NDST3: variants seen among roughly 807,000 people sequenced by gnomAD.
NDST3 encodes bifunctional heparan sulfate N-deacetylase/N-sulfotransferase 3.
A neutral mutation model predicts 96.1 loss-of-function variants in NDST3; 58 were observed. The ratio of observed to expected loss-of-function variants is 0.60; its 90% CI spans 0.49 to 0.75. The LOEUF is 0.75. NDST3 is among the 30% of genes least tolerant of loss of function. The pLI, the probability that NDST3 is intolerant of heterozygous loss-of-function variation, is 0.00. For missense variants in NDST3, 788 were observed against 1,034.2 expected (o/e 0.76, Z 3.27); for synonymous variants, 333 against 359.7 (o/e 0.93, Z 0.84).
intron 5 of NDST3, among the ~76,000 whole-genome samples, chr4:118,141,345 AC>A (rs1323575495): frequency 1.3e-5 from 2 of 152,120 alleles, no homozygotes; most frequent in Non-Finnish European, 2.9e-5. Context: ...ATTCGGTGCC[AC>A]TGCATTTATG....
rs1407590824 is a variant in NDST3 at position 118,208,444 on chromosome 4, T to C, written c.1540-16047T>C. Among the ~76,000 whole-genome samples, 2 of 144,322 alleles carry C rather than the reference T, an allele frequency of 1.4e-5. 1 individual carries two copies. Among genetic ancestry groups the C allele is most frequent in the Non-Finnish European group, 3.1e-5 (2 of 65,118 alleles). 94.7% of individuals were successfully genotyped at this position (144,322 alleles called of 152,430 possible). A position where few individuals can be genotyped will look rare whatever the true frequency, so the allele number is the denominator to read the frequency against. On this transcript the variant is annotated intron_variant, in intron 6 of 13. Coordinates refer to ENST00000296499, the MANE Select transcript of NDST3 (RefSeq NM_004784.3). ...TGCTTTTAATTAAGTCTTTATACAG[T>C]ACCTTAGCTGACTCTTGTATCTGGG... is the stretch of plus-strand genomic sequence containing the variant.
At chr4:118,057,256 A>C (rs1373228085) in intron 2 of NDST3, among the ~76,000 whole-genome samples, 1 of 152,042 alleles carries the variant, frequency 6.6e-6, no homozygotes, top group African/African-American at 2.4e-5. Context: ...TGATGATGTG[A>C]ACAACAGTAA....
At chr4:118,048,596 A>G (rs913399895) in intron 1 of NDST3, among the ~76,000 whole-genome samples, 7 of 152,216 alleles carry the variant, frequency 4.6e-5, no homozygotes, top group African/African-American at 1.4e-4. Flanking sequence ...TAGATAAAAC[A>G]AACTTCAAAC....
intron 2 of NDST3, among the ~76,000 whole-genome samples, chr4:118,059,824 C>A (rs1314318183): frequency 6.6e-6 from 1 of 152,108 alleles, no homozygotes; most frequent in African/African-American, 2.4e-5. Context: ...ATGTCAAGAT[C>A]TGTACATTGT....
chr4:118,056,751 C>T (rs747295860), intron 2 of NDST3, among the ~76,000 whole-genome samples: 20 of 151,992 alleles, frequency 1.3e-4, no homozygotes, highest in Non-Finnish European at 2.5e-4. Flanking sequence ...AGCATCTATC[C>T]GTTCAGTTCT....
intron 2 of NDST3, among the ~76,000 whole-genome samples, chr4:118,056,498 T>A (rs527291202): frequency 1.1e-4 from 17 of 152,148 alleles, no homozygotes; most frequent in African/African-American, 4.1e-4. Flanking sequence ...GTGTTTTGAA[T>A]AATCTGGGTT....
intron 5 of NDST3, among the ~76,000 whole-genome samples, chr4:118,142,321 A>G (rs1733629677): frequency 6.6e-6 from 1 of 151,970 alleles, no homozygotes; most frequent in Non-Finnish European, 1.5e-5. Flanking sequence ...ATTTATGCAG[A>G]TATACTGATT....
At chr4:118,193,816 G>T (rs1578795048) in intron 6 of NDST3, 6 of 1,466,606 alleles carry the variant, frequency 4.1e-6, no homozygotes, top group Non-Finnish European at 5.6e-6. Flanking sequence ...CCAGGTTGAG[G>T]TAAGAGGCCA....
intron 4 of NDST3, among the ~76,000 whole-genome samples, chr4:118,135,806 A>G (rs1303217693): frequency 1.3e-5 from 2 of 152,192 alleles, no homozygotes; most frequent in African/African-American, 2.4e-5. Flanking sequence ...TGAGCCCAGG[A>G]GGTCGAGGAT....
At chr4:118,136,954 C>A (rs556385383) in intron 4 of NDST3, among the ~76,000 whole-genome samples, 1 of 152,132 alleles carries the variant, frequency 6.6e-6, no homozygotes, top group Non-Finnish European at 1.5e-5. Flanking sequence ...TAGGTAATGG[C>A]AAACCACTGG....
intron 6 of NDST3, among the ~76,000 whole-genome samples, chr4:118,195,172 A>G (rs1737585659): frequency 6.6e-6 from 1 of 152,062 alleles, no homozygotes; most frequent in Non-Finnish European, 1.5e-5. Flanking sequence ...GTCCTCTTCA[A>G]TCTCTTTTAT....
intron 4 of NDST3, among the ~76,000 whole-genome samples, chr4:118,123,488 G>A (rs1427730354): frequency 6.6e-6 from 1 of 152,042 alleles, no homozygotes; most frequent in African/African-American, 2.4e-5. Flanking sequence ...CCTCCATTAT[G>A]AATCCAGATA....
At chr4:118,248,990 T>C (rs1741486857) in intron 12 of NDST3, among the ~76,000 whole-genome samples, 2 of 152,160 alleles carry the variant, frequency 1.3e-5, no homozygotes, top group South Asian at 4.1e-4. Context: ...ACTTATACCA[T>C]TGCCTATGAG....
At chr4:118,153,910 T>C (rs146496133) in intron 6 of NDST3, among the ~76,000 whole-genome samples, 104 of 152,166 alleles carry the variant, frequency 6.8e-4, no homozygotes, top group African/African-American at 2.4e-3. Flanking sequence ...AAATGAGATA[T>C]GAGTATGGAA....
At chr4:118,173,786 C>CT (rs1381658126) in intron 6 of NDST3, among the ~76,000 whole-genome samples, 2 of 152,114 alleles carry the variant, frequency 1.3e-5, no homozygotes, top group Admixed American at 1.3e-4. Flanking sequence ...TATTGCCACT[C>CT]TTTCCTTTAA....
intron 6 of NDST3, among the ~76,000 whole-genome samples, chr4:118,205,832 CTTTTTTTTTT>C (rs56843725): frequency 1.0e-5 from 1 of 95,474 alleles, no homozygotes; most frequent in Non-Finnish European, 2.4e-5. Context: ...ATCGGGCTTT[CTTTTTTTTTT>C]TTTTTTTTGA....
At chr4:118,068,834 G>C (rs941955909) in intron 2 of NDST3, among the ~76,000 whole-genome samples, 1 of 151,954 alleles carries the variant, frequency 6.6e-6, no homozygotes, top group Non-Finnish European at 1.5e-5. Context: ...ATGGAAAGAG[G>C]TCACAATAGA....
intron 6 of NDST3, among the ~76,000 whole-genome samples, chr4:118,170,900 C>G (rs540844096): frequency 6.6e-6 from 1 of 152,124 alleles, no homozygotes; most frequent in Non-Finnish European, 1.5e-5. Flanking sequence ...CATTATTTTT[C>G]TGCTCACAAC....
intron 5 of NDST3, among the ~76,000 whole-genome samples, chr4:118,139,779 CT>C (rs1023454043): frequency 3.2e-4 from 48 of 152,308 alleles, no homozygotes; most frequent in African/African-American, 1.1e-3. Context: ...TTCTATCCCC[CT>C]ACCACCACTT....
Sources: gnomAD v4.1 joint callset for allele counts (sites outside exome capture counted in the v4.1 genomes callset) on GRCh38, gnomAD v4.1.1 for gene constraint, MANE v1.5 for transcripts, NCBI Gene and HGNC (gene_info 2026-07-23, HGNC 2026-07-21) for gene names.